Variants in RBM44 observed in about 807,000 individuals in gnomAD.
RBM44 encodes the protein RNA-binding protein 44.
In RBM44, 66 loss-of-function variants were observed where a neutral mutation model predicts 105.1. The observed-to-expected ratio is 0.63, with a 90% CI of 0.52 to 0.77. The LOEUF is 0.77. RBM44 is among the 30% of genes least tolerant of loss of function. The pLI, the probability that RBM44 is intolerant of heterozygous loss-of-function variation, is 0.00. For missense variants in RBM44, 1,122 were observed against 1,207.8 expected (o/e 0.93, Z 1.05); for synonymous variants, 365 against 417.6 (o/e 0.87, Z 1.54).
chr2:237,827,249 G>A lies in RBM44; in HGVS notation c.2450-1G>A, dbSNP rs1181889834. 2.6e-6 allele frequency: 4 copies of A among 1,543,708 alleles called. No homozygotes were observed. The Admixed American group carries it at 7.2e-5, about 28-fold the overall frequency. On this transcript the variant is annotated splice_acceptor_variant, in intron 10 of 15. Transcript: ENST00000316997. LOFTEE classifies it high-confidence loss of function. The stretch of plus-strand genomic sequence containing the variant: ...TCTGTTACATGTTTTTCTCTAAGCA[G>A]AAATGAAGAATGTTGAACCCTCACA...
At chr2:237,807,674 T>C (rs2061612911) in intron 1 of RBM44, among the ~76,000 whole-genome samples, 1 of 152,288 alleles carries the variant, frequency 6.6e-6, no homozygotes, top group South Asian at 2.1e-4. Flanking sequence ...TCAGAGTCTT[T>C]CGGGTGATCA....
chr2:237,824,366 G>A lies in RBM44; in HGVS notation c.2396G>A (p.Gly799Glu), dbSNP rs200181010. 1 of 1,612,856 alleles carries A rather than the reference G, an allele frequency of 6.2e-7. No homozygotes were observed. Among genetic ancestry groups the A allele is most frequent in the South Asian group, 1.1e-5 (1 of 91,014 alleles). The stretch of plus-strand genomic sequence containing the variant: ...AGCCTGACAGGAGTTGACGTCTCAG[G>A]GACACAGGGAAATCAAGTAGAACAA... ...KESLTGVDVSGTQGNQVEQDT... is the reference protein window; with the variant it reads ...KESLTGVDVSETQGNQVEQDT... Residue 799 changes from glycine (G) to glutamate (E), a missense_variant, in exon 10 of 16, where the codon GGG (glycine) becomes GAG (glutamate). Transcript: ENST00000316997.
intron 10 of RBM44, among the ~76,000 whole-genome samples, chr2:237,825,431 C>A (rs2061838234): frequency 6.6e-6 from 1 of 152,176 alleles, no homozygotes. Context: ...ATCTTGAACT[C>A]CTGATCTCAA....
rs1246627133 is a variant in RBM44 at position 237,834,158 on chromosome 2, ATATTT to A, written c.3032+19_3032+23del. On this transcript the variant is annotated intron_variant, in intron 14 of 15. Transcript: ENST00000316997. The stretch of plus-strand genomic sequence containing the variant: ...AAGTCAGCAGGTAATAACCAAAATT[ATATTT>A]TAACTGCTTTAAAACTTCTGTGTAA... 1.3e-6 allele frequency: 2 copies of A among 1,546,930 alleles called. No individual in the cohort carries two copies. The highest frequency in any genetic ancestry group is 1.7e-6 in the Non-Finnish European group (2 of 1,146,536).
At chr2:237,801,681 A>G (rs1280852855) in intron 1 of RBM44, among the ~76,000 whole-genome samples, 3 of 152,226 alleles carry the variant, frequency 2.0e-5, no homozygotes, top group Non-Finnish European at 2.9e-5. Context: ...TCTAAGAAGA[A>G]GGAATGACTC....
intron 15 of RBM44, among the ~76,000 whole-genome samples, chr2:237,840,698 G>A (rs191102797): frequency 6.6e-6 from 1 of 152,248 alleles, no homozygotes; most frequent in Admixed American, 6.5e-5. Flanking sequence ...CTAATATGCA[G>A]AATCTGTAAG....
rs1276743189 is a variant in RBM44, at chr2:237,827,348, T to C, written c.2529+19T>C. ...ATCTGAGGTATACCAGGATTATTTT[T>C]TTGAGCTTCATTTTCAAATTTATTA... On this transcript the variant is annotated intron_variant, in intron 11 of 15. Transcript: ENST00000316997. The C allele has an allele frequency of 1.3e-6, 2 of 1,514,376 alleles. No individual in the cohort carries two copies. Among genetic ancestry groups the C allele is most frequent in the African/African-American group, 1.4e-5 (1 of 72,450 alleles). The allele number at this position is 1,514,376 out of a possible 1,614,324, so 93.8% of individuals were successfully genotyped here.
In RBM44 at chr2:237,818,232, C is replaced by T. The variant is rs564947898; in HGVS notation, c.1313C>T (p.Thr438Ile). 9.6e-5 allele frequency: 155 copies of T among 1,613,096 alleles called. 2 individuals are homozygous for T. The South Asian group carries it at 1.6e-3, about 17-fold the overall frequency. ...CTAAAAGTTGCTCATAGCAGTACCA[C>T]AAAGAAAACATGCTTTCACAATATA... ...TSLKVAHSST[T>I]KKTCFHNIGE... The change falls in exon 3 of 16, where the codon ACA becomes ATA. Residue 438 changes from threonine (T) to isoleucine (I), a missense_variant. By Grantham distance (89) the Thr-to-Ile change is moderately conservative (BLOSUM62 -1). Coordinates refer to ENST00000316997, the MANE Select transcript of RBM44 (RefSeq NM_001080504.3). This position sits in a 1 kb window ranked among gnomAD's most constrained non-coding sequence, Gnocchi z 4.6.
chr2:237,839,655 A>G (rs6734810), intron 15 of RBM44, among the ~76,000 whole-genome samples: 1,991 of 152,342 alleles, frequency 0.013, 27 homozygotes, highest in Non-Finnish European at 0.019. Context: ...AAAATGAATC[A>G]ACAACTTAAA....
intron 1 of RBM44, among the ~76,000 whole-genome samples, chr2:237,811,085 C>CA (rs1273422244): frequency 2.0e-5 from 3 of 152,072 alleles, no homozygotes; most frequent in African/African-American, 7.2e-5. Context: ...AAAAAAATGA[C>CA]AAGACGCAAG....
chr2:237,802,577 C>T (rs772507392), intron 1 of RBM44, among the ~76,000 whole-genome samples: 1 of 152,112 alleles, frequency 6.6e-6, no homozygotes, highest in Non-Finnish European at 1.5e-5. Flanking sequence ...TTTTAATGAG[C>T]GCCCTAAGTG....
At chr2:237,800,504 G>A (rs2061534447) in intron 1 of RBM44, among the ~76,000 whole-genome samples, 1 of 152,218 alleles carries the variant, frequency 6.6e-6, no homozygotes, top group African/African-American at 2.4e-5. Context: ...ATGCAGATTT[G>A]AGTGTAGAAT....
chr2:237,808,046 A>G (rs576243090), intron 1 of RBM44, among the ~76,000 whole-genome samples: 3 of 152,338 alleles, frequency 2.0e-5, no homozygotes, highest in Non-Finnish European at 4.4e-5. Flanking sequence ...ACAGATCCAC[A>G]GAGATTCCGG....
chr2:237,826,504 C>G (rs2061849675), intron 10 of RBM44, among the ~76,000 whole-genome samples: 5 of 152,020 alleles, frequency 3.3e-5, no homozygotes. Flanking sequence ...TTATTGCAAG[C>G]TATATATTAT....
Position 237,834,391 on chromosome 2 carries a change from C to T in RBM44, c.3146C>T (p.Ala1049Val). The T allele has an allele frequency of 6.6e-7, 1 of 1,517,532 alleles. No homozygotes were observed. The highest frequency in any genetic ancestry group is 8.8e-7 in the Non-Finnish European group (1 of 1,132,898). The allele number at this position is 1,517,532 out of a possible 1,614,324, so 94.0% of individuals were successfully genotyped here. A position where few individuals can be genotyped will look rare whatever the true frequency, so the allele number is the denominator to read the frequency against. ...ACTTCATCTCTTCTGAAAAACTCTG[C>T]TTCCAGTTAGGAATTCAAAAAACAA... ...EMTSSLLKNS[A>V]SS Residue 1049 changes from alanine (A) to valine (V), a missense_variant, in exon 15 of 16, where the codon GCT (alanine) becomes GTT (valine). By Grantham distance (64) the Ala-to-Val change is moderately conservative. Transcript: ENST00000316997.
intron 1 of RBM44, among the ~76,000 whole-genome samples, chr2:237,805,824 G>A (rs1193484730): frequency 1.3e-5 from 2 of 152,058 alleles, no homozygotes; most frequent in Non-Finnish European, 2.9e-5. Flanking sequence ...AATTAGCCAG[G>A]CATGGTGTTG....
intron 15 of RBM44, among the ~76,000 whole-genome samples, chr2:237,838,447 C>T (rs1018856845): frequency 6.6e-6 from 1 of 152,118 alleles, no homozygotes; most frequent in Non-Finnish European, 1.5e-5. Flanking sequence ...GTACAGGAGA[C>T]ATGAAGATCA....
intron 15 of RBM44, 99 bp downstream of exon 15, chr2:237,834,522 T>C: frequency 3.6e-6 from 2 of 559,018 alleles, no homozygotes; most frequent in South Asian, 3.0e-5. Context: ...AAATTTAAAA[T>C]AATAATATAA....
At position 237,817,294 on chromosome 2, in the gene RBM44, T is replaced by C. The variant is rs2061729187; in HGVS notation, c.375T>C (p.Ser125=). The change falls in exon 3 of 16, where the codon AGT becomes AGC. Residue 125 remains serine, a synonymous_variant. Coordinates refer to ENST00000316997, the MANE Select transcript of RBM44 (RefSeq NM_001080504.3). Reference sequence around the variant, plus strand: ...CAGAGTCAAAACTAAAGAAGGAAAGTCTTACTCCTTTAAGTTCAGAATTAG... The same window carrying C: ...CAGAGTCAAAACTAAAGAAGGAAAGCCTTACTCCTTTAAGTTCAGAATTAG... The part of the protein sequence containing the change: ...PYSESKLKKE[S]LTPLSSELDP... The C allele has an allele frequency of 1.2e-6, 2 of 1,605,594 alleles. No individual in the cohort carries two copies. Among genetic ancestry groups the C allele is most frequent in the Admixed American group, 3.4e-5 (2 of 58,642 alleles).
Sources: allele counts gnomAD v4.1 joint callset (sites outside exome capture counted in the v4.1 genomes callset), GRCh38; gene constraint gnomAD v4.1.1; non-coding constraint Gnocchi (gnomAD v3.1); transcripts MANE v1.5; gene names NCBI Gene and HGNC (gene_info 2026-07-23, HGNC 2026-07-21).